The following CSNK2A2IP variants were observed in gnomAD, a reference collection of about 807,000 sequenced individuals.
The protein encoded by CSNK2A2IP is casein kinase II subunit alpha'-interacting protein.
the CSNK2A2IP span, among the ~76,000 whole-genome samples, chr3:88,456,319 C>T: frequency 1.3e-5 from 2 of 152,030 alleles, no homozygotes; most frequent in African/African-American, 2.4e-5. Flanking sequence ...TTCTTTCAAT[C>T]CATGAACATG....
the CSNK2A2IP span, among the ~76,000 whole-genome samples, chr3:88,435,540 G>A: frequency 3.3e-5 from 5 of 152,148 alleles, no homozygotes; most frequent in Admixed American, 3.3e-4. Flanking sequence ...GAGAGGCAGA[G>A]CCAATACCGA....
the CSNK2A2IP span, among the ~76,000 whole-genome samples, chr3:88,397,595 G>T: frequency 6.6e-6 from 1 of 152,102 alleles, no homozygotes; most frequent in African/African-American, 2.4e-5. Flanking sequence ...AAATATGAAA[G>T]AGTTTGCCTT....
chr3:88,419,816 T>C, the CSNK2A2IP span, among the ~76,000 whole-genome samples: 1 of 152,208 alleles, frequency 6.6e-6, no homozygotes, highest in Admixed American at 6.5e-5. Context: ...TTATAAATCC[T>C]AATTATAAAA....
chr3:88,458,646 G>A, the CSNK2A2IP span, among the ~76,000 whole-genome samples: 1 of 151,766 alleles, frequency 6.6e-6, no homozygotes, highest in Non-Finnish European at 1.5e-5. Flanking sequence ...TAAGGAGGAA[G>A]CTAATGTCAT....
the CSNK2A2IP span, among the ~76,000 whole-genome samples, chr3:88,455,486 C>T: frequency 6.6e-6 from 1 of 151,964 alleles, no homozygotes; most frequent in South Asian, 2.1e-4. Flanking sequence ...CATATACCTG[C>T]TGACTATATG....
chr3:88,466,223 C>G, the CSNK2A2IP span: 1 of 1,231,588 alleles, frequency 8.1e-7, no homozygotes, highest in Non-Finnish European at 1.0e-6. Context: ...TCTAACCCCA[C>G]TATTGGAGGC....
At chr3:88,343,237 C>T in the CSNK2A2IP span, 2 of 152,250 alleles carry the variant, frequency 1.3e-5, no homozygotes. Context: ...GTCTCAGAGT[C>T]GCCAACAGAA....
chr3:88,368,615 G>A, the CSNK2A2IP span, among the ~76,000 whole-genome samples: 183 of 152,118 alleles, frequency 1.2e-3, no homozygotes, highest in Non-Finnish European at 9.7e-4. Flanking sequence ...ATTCCTATAG[G>A]TTTAAGTAAT....
At chr3:88,362,889 C>T in the CSNK2A2IP span, among the ~76,000 whole-genome samples, 13 of 152,152 alleles carry the variant, frequency 8.5e-5, no homozygotes, top group South Asian at 1.2e-3. Context: ...CTCCTCTCTG[C>T]GCTGCACTAC....
chr3:88,411,731 GCTGATGA>G, the CSNK2A2IP span, among the ~76,000 whole-genome samples: 2 of 151,562 alleles, frequency 1.3e-5, no homozygotes, highest in African/African-American at 4.8e-5. Context: ...GCTAAATACT[GCTGATGA>G]AAATTTAGTG....
At chr3:88,368,303 AC>A in the CSNK2A2IP span, among the ~76,000 whole-genome samples, 2,853 of 152,062 alleles carry the variant, frequency 0.019, 80 homozygotes, top group African/African-American at 0.063. Context: ...GAAAAGATGG[AC>A]AAAACAAAGG....
chr3:88,464,510 G>A, the CSNK2A2IP span, among the ~76,000 whole-genome samples: 1 of 151,884 alleles, frequency 6.6e-6, no homozygotes, highest in Non-Finnish European at 1.5e-5. Context: ...TAGAGAATCA[G>A]TGTGTGGAGA....
the CSNK2A2IP span, among the ~76,000 whole-genome samples, chr3:88,410,484 G>A: frequency 6.6e-6 from 1 of 151,936 alleles, no homozygotes; most frequent in African/African-American, 2.4e-5. Context: ...CTCCTGCCAC[G>A]GAAGTCTTTT....
chr3:88,449,818 GAGACAC>G, the CSNK2A2IP span, among the ~76,000 whole-genome samples: 451 of 61,324 alleles, frequency 7.4e-3, 1 homozygote, highest in Non-Finnish European at 9.0e-3. Context: ...TTTTTATATC[GAGACAC>G]ACACACACAC....
chr3:88,348,441 C>G, the CSNK2A2IP span, among the ~76,000 whole-genome samples: 1 of 152,022 alleles, frequency 6.6e-6, no homozygotes, highest in African/African-American at 2.4e-5. Context: ...AAAGGGCTGT[C>G]AAAACTCAGA....
the CSNK2A2IP span, among the ~76,000 whole-genome samples, chr3:88,385,492 T>C: frequency 6.7e-6 from 1 of 148,174 alleles, no homozygotes; most frequent in Non-Finnish European, 1.5e-5. Context: ...ATGACAGTAG[T>C]AAACAACTAT....
the CSNK2A2IP span, among the ~76,000 whole-genome samples, chr3:88,413,893 T>G: frequency 6.6e-6 from 1 of 151,848 alleles, no homozygotes; most frequent in Non-Finnish European, 1.5e-5. Flanking sequence ...TAGAAAATCT[T>G]AAGAGCAATA....
At chr3:88,340,162 T>C in the CSNK2A2IP span, among the ~76,000 whole-genome samples, 4 of 152,008 alleles carry the variant, frequency 2.6e-5, no homozygotes, top group South Asian at 8.3e-4. Flanking sequence ...CTAAGTAATT[T>C]TCTTTCCTTT....
chr3:88,339,762 G>T, the CSNK2A2IP span, among the ~76,000 whole-genome samples: 2 of 152,060 alleles, frequency 1.3e-5, no homozygotes, highest in African/African-American at 4.8e-5. Flanking sequence ...GTAAATCTTT[G>T]AACATTGGCA....
Sources: allele counts gnomAD v4.1 joint callset (sites outside exome capture counted in the v4.1 genomes callset), GRCh38; gene constraint gnomAD v4.1.1; transcripts MANE v1.5; gene names NCBI Gene and HGNC (gene_info 2026-07-23, HGNC 2026-07-21).